Variants in MAN1A2 observed in about 807,000 individuals in gnomAD.
The protein encoded by MAN1A2 is mannosyl-oligosaccharide 1,2-alpha-mannosidase IB.
Under a neutral mutation model 75.7 loss-of-function variants are expected in MAN1A2, and 26 were observed. The observed-to-expected ratio is 0.34, with a 90% confidence interval of 0.25 to 0.48. The LOEUF (loss-of-function observed/expected upper bound fraction) is 0.48, where lower values mean the gene tolerates loss of function less well. Among genes scored for constraint, MAN1A2 ranks in the 20% least tolerant of loss-of-function variants. The pLI is 0.99. For missense variants in MAN1A2, 562 were observed against 775.5 expected (o/e 0.72, Z 3.27); for synonymous variants, 247 against 264.6 (o/e 0.93, Z 0.65).
At chr1:117,478,210 T>C (rs1366299010) in intron 8 of MAN1A2, among the ~76,000 whole-genome samples, 3 of 151,952 alleles carry the variant, frequency 2.0e-5, no homozygotes, top group Non-Finnish European at 2.9e-5. Flanking sequence ...TATATACTCT[T>C]TGCTATCCAT....
At chr1:117,522,579 AT>A (rs990498052) in intron 12 of MAN1A2, among the ~76,000 whole-genome samples, 2 of 151,376 alleles carry the variant, frequency 1.3e-5, no homozygotes, top group African/African-American at 2.4e-5. Context: ...ACCTGGCCGG[AT>A]TTTTTTTTAA....
chr1:117,479,858 T>A (rs1488696733), intron 8 of MAN1A2, among the ~76,000 whole-genome samples: 1 of 151,962 alleles, frequency 6.6e-6, no homozygotes, highest in Non-Finnish European at 1.5e-5. Flanking sequence ...GAAATCTTCT[T>A]GAACTTTGCT....
chr1:117,397,821 T>C (rs1398504185), intron 1 of MAN1A2, among the ~76,000 whole-genome samples: 2 of 151,788 alleles, frequency 1.3e-5, no homozygotes, highest in Admixed American at 1.3e-4. Context: ...CCAGCTAATT[T>C]TTGTATGTTT....
intron 7 of MAN1A2, among the ~76,000 whole-genome samples, chr1:117,464,232 C>G (rs1649914336): frequency 6.6e-6 from 1 of 151,228 alleles, no homozygotes; most frequent in Non-Finnish European, 1.5e-5. Context: ...GTGGGGCGTG[C>G]CTGTACTCCC....
At chr1:117,516,484 A>G (rs1421113554) in intron 12 of MAN1A2, among the ~76,000 whole-genome samples, 1 of 152,126 alleles carries the variant, frequency 6.6e-6, no homozygotes, top group African/African-American at 2.4e-5. Context: ...GGATTCCATG[A>G]ACATAATTAC....
At chr1:117,385,945 G>T (rs1246761253) in intron 1 of MAN1A2, among the ~76,000 whole-genome samples, 1 of 152,176 alleles carries the variant, frequency 6.6e-6, no homozygotes, top group African/African-American at 2.4e-5. Context: ...GGATGTGTCT[G>T]CTTCCAGAGT....
intron 8 of MAN1A2, among the ~76,000 whole-genome samples, chr1:117,466,988 GAACC>G (rs1389289777): frequency 6.6e-6 from 1 of 152,116 alleles, no homozygotes; most frequent in Non-Finnish European, 1.5e-5. Flanking sequence ...GTACAGGAAG[GAACC>G]AATTGTTATA....
In MAN1A2 at chr1:117,414,842, G is replaced by A; in HGVS notation, c.774+11G>A. 1 of 1,416,042 alleles carries A rather than the reference G, an allele frequency of 7.1e-7. No individual in the cohort carries two copies. 87.7% of individuals were successfully genotyped at this position (1,416,042 alleles called of 1,614,324 possible). Reference sequence around the variant, plus strand: ...CTTGATTTCAGTGTGGTGAGTGTATGATTGATAACTAATCTCTTAGATTAA... The same window carrying A: ...CTTGATTTCAGTGTGGTGAGTGTATAATTGATAACTAATCTCTTAGATTAA... On this transcript the variant is annotated intron_variant, in intron 4 of 12. Transcript: ENST00000356554.
chr1:117,484,044 C>T (rs1650587001), intron 8 of MAN1A2, among the ~76,000 whole-genome samples: 1 of 151,840 alleles, frequency 6.6e-6, no homozygotes, highest in Non-Finnish European at 1.5e-5. Context: ...GTTAGAGTCA[C>T]CAACCCCTTG....
intron 12 of MAN1A2, among the ~76,000 whole-genome samples, chr1:117,512,890 G>T (rs74112605): frequency 6.4e-4 from 98 of 152,108 alleles, no homozygotes; most frequent in East Asian, 3.3e-3. Flanking sequence ...TTTTGCTACA[G>T]TAGAGGGAGC....
At chr1:117,406,190 C>T (rs890739059) in intron 3 of MAN1A2, among the ~76,000 whole-genome samples, 1 of 152,124 alleles carries the variant, frequency 6.6e-6, no homozygotes, top group Non-Finnish European at 1.5e-5. Context: ...CCTACTTTCC[C>T]TGAGCTCAGT....
chr1:117,371,925 G>A (rs1015520223), intron 1 of MAN1A2, among the ~76,000 whole-genome samples: 3 of 151,998 alleles, frequency 2.0e-5, no homozygotes, highest in Admixed American at 6.6e-5. Flanking sequence ...GGAGGGGGAC[G>A]GGGGCGGGCA....
chr1:117,489,543 A>G (rs1454340070), intron 8 of MAN1A2, among the ~76,000 whole-genome samples: 3 of 151,992 alleles, frequency 2.0e-5, no homozygotes, highest in Non-Finnish European at 4.4e-5. Context: ...GTCGTTTATG[A>G]GAGTAATCCT....
chr1:117,387,230 A>AC (rs1653561236), intron 1 of MAN1A2, among the ~76,000 whole-genome samples: 1 of 151,930 alleles, frequency 6.6e-6, no homozygotes, highest in South Asian at 2.1e-4. Flanking sequence ...AAAAAAAAAA[A>AC]AAAAACAAAG....
intron 1 of MAN1A2, among the ~76,000 whole-genome samples, chr1:117,393,757 T>C (rs537889729): frequency 7.2e-5 from 11 of 152,300 alleles, no homozygotes; most frequent in African/African-American, 2.4e-4. Context: ...ACAATAGTTA[T>C]CTGCCAAAGT....
At chr1:117,398,254 T>G (rs754328698) in intron 1 of MAN1A2, among the ~76,000 whole-genome samples, 4 of 152,200 alleles carry the variant, frequency 2.6e-5, no homozygotes, top group Non-Finnish European at 4.4e-5. Context: ...GAGATTTGTC[T>G]AATCTAGGAG....
intron 1 of MAN1A2, among the ~76,000 whole-genome samples, chr1:117,382,773 A>C (rs909510150): frequency 3.3e-5 from 5 of 152,182 alleles, no homozygotes; most frequent in Non-Finnish European, 7.3e-5. Flanking sequence ...TACCTTGGGC[A>C]GTATGGCCAT....
At chr1:117,449,115 C>T (rs1053361325) in intron 6 of MAN1A2, among the ~76,000 whole-genome samples, 10 of 152,212 alleles carry the variant, frequency 6.6e-5, no homozygotes, top group African/African-American at 2.2e-4. Flanking sequence ...TCTGTTCTGA[C>T]GGCTCCACAG....
At chr1:117,488,826 C>T (rs61805822) in intron 8 of MAN1A2, among the ~76,000 whole-genome samples, 18,265 of 152,022 alleles carry the variant, frequency 0.12, 1,156 homozygotes, top group Non-Finnish European at 0.14. Flanking sequence ...TTACTTTCTA[C>T]AACGAAAGAT....
Sources: gnomAD v4.1 joint callset for allele counts (sites outside exome capture counted in the v4.1 genomes callset) on GRCh38, gnomAD v4.1.1 for gene constraint, MANE v1.5 for transcripts, NCBI Gene and HGNC (gene_info 2026-07-23, HGNC 2026-07-21) for gene names.